SS18L1: variants seen among roughly 807,000 people sequenced by gnomAD.
SS18L1 encodes the protein calcium-responsive transactivator.
A neutral mutation model predicts 70.3 loss-of-function variants in SS18L1; 32 were observed. The ratio of observed to expected loss-of-function variants is 0.46; its 90% CI spans 0.34 to 0.61. The LOEUF (loss-of-function observed/expected upper bound fraction) is 0.61, where lower values mean the gene tolerates loss of function less well. Among genes scored for constraint, SS18L1 ranks in the 20% least tolerant of loss-of-function variants. The pLI is 0.01. For missense variants in SS18L1, 430 were observed against 542.1 expected, an observed-to-expected ratio of 0.79 and a Z score of 2.05; for synonymous variants, 237 against 229.7, an observed-to-expected ratio of 1.03 and a Z score of -0.29.
intron 1 of SS18L1, among the ~76,000 whole-genome samples, chr20:62,152,633 C>T (rs1302690135): frequency 1.3e-5 from 2 of 151,812 alleles, no homozygotes; most frequent in East Asian, 3.9e-4. Context: ...ATCTAGAACG[C>T]TCCAGGCCGC....
intron 1 of SS18L1, among the ~76,000 whole-genome samples, chr20:62,149,913 C>T (rs1228296991): frequency 6.6e-6 from 1 of 152,178 alleles, no homozygotes; most frequent in African/African-American, 2.4e-5. Flanking sequence ...ACAATAAGCA[C>T]GTCTCCAGCT....
intron 8 of SS18L1, 86 bp downstream of exon 8, chr20:62,165,600 G>C (rs1352784852): frequency 3.1e-6 from 4 of 1,295,592 alleles, no homozygotes; most frequent in Non-Finnish European, 4.3e-6. Context: ...AGCACGCGGT[G>C]CCTGCCTTCA....
chr20:62,160,350 A>AGAGAGGTGGGATGGG (rs1568747935), intron 3 of SS18L1, among the ~76,000 whole-genome samples: 10 of 15,172 alleles, frequency 6.6e-4, no homozygotes, highest in African/African-American at 3.1e-3. Flanking sequence ...GGAGAGGTGG[A>AGAGAGGTGGGATGGG]GAGAGGTGGG....
intron 1 of SS18L1, among the ~76,000 whole-genome samples, 200 bp downstream of exon 1, chr20:62,144,089 C>T (rs1429144754): frequency 6.7e-6 from 1 of 149,636 alleles, no homozygotes; most frequent in East Asian, 2.0e-4. Flanking sequence ...GTGTGGGGGG[C>T]GGTCCCCGGA....
intron 8 of SS18L1, 121 bp downstream of exon 8, chr20:62,165,635 G>T: frequency 1.1e-6 from 1 of 906,202 alleles, no homozygotes. Context: ...TCACAGCACA[G>T]CGCGTGGGAG....
At chr20:62,162,952 AC>A in intron 5 of SS18L1, 21 bp downstream of exon 5, 1 of 1,609,326 alleles carries the variant, frequency 6.2e-7, no homozygotes, top group Non-Finnish European at 8.5e-7. Flanking sequence ...TGCCTCTGCA[AC>A]CCCGGGGGGC....
rs1024807596 is a variant in SS18L1 at position 62,179,864 on chromosome 20, G to A, written c.*656G>A. ...TCGCCAATTCCGTTTATCCAAAAAGGTACATGTTTTTGTATTAAAAAGTAA... is the reference window on the plus strand; with the variant it reads ...TCGCCAATTCCGTTTATCCAAAAAGATACATGTTTTTGTATTAAAAAGTAA... On this transcript the variant is annotated 3_prime_UTR_variant, in exon 11 of 11. Coordinates refer to ENST00000331758, the MANE Select transcript of SS18L1 (RefSeq NM_198935.3). 1 of 225,856 alleles carries A rather than the reference G, an allele frequency of 4.4e-6. No homozygotes were observed. Among genetic ancestry groups the A allele is most frequent in the Non-Finnish European group, 8.8e-6 (1 of 113,524 alleles). 14.0% of individuals were successfully genotyped at this position (225,856 alleles called of 1,614,324 possible).
At chr20:62,172,878 C>T in intron 9 of SS18L1, 77 bp downstream of exon 9, 1 of 1,573,532 alleles carries the variant, frequency 6.4e-7, no homozygotes. Context: ...GTGCTCAGTA[C>T]CCCAGCCAGC....
chr20:62,146,747 G>A (rs2057036466), intron 1 of SS18L1, among the ~76,000 whole-genome samples: 1 of 151,946 alleles, frequency 6.6e-6, no homozygotes, highest in Non-Finnish European at 1.5e-5. Flanking sequence ...AGCCTCCTGA[G>A]TAGCTGGGAT....
At chr20:62,160,585 A>G (rs1331224076) in intron 3 of SS18L1, among the ~76,000 whole-genome samples, 1 of 152,126 alleles carries the variant, frequency 6.6e-6, no homozygotes, top group African/African-American at 2.4e-5. Flanking sequence ...TTTAAAATGC[A>G]TTTTTCCAAG....
rs770928112 is a variant in SS18L1 at position 62,159,791 on chromosome 20, T to C, written c.147-86T>C. The C allele has an allele frequency of 3.0e-6, 4 of 1,325,028 alleles. No homozygotes were observed. Among genetic ancestry groups the C allele is most frequent in the Non-Finnish European group, 4.2e-6 (4 of 956,144 alleles). The allele number at this position is 1,325,028 out of a possible 1,614,324, so 82.1% of individuals were successfully genotyped here. A position where few individuals can be genotyped will look rare whatever the true frequency, so the allele number is the denominator to read the frequency against. ...GGGTTTGGCTGGATGTCAGGCTGTC[T>C]TGTTCACACTTTACTTCTGCCTTGG... On this transcript the variant is annotated intron_variant, in intron 2 of 10. Transcript: ENST00000331758. The surrounding 1 kb of genome is among the most constrained non-coding windows in gnomAD (Gnocchi z 4.4).
At chr20:62,170,616 T>C (rs970469109) in intron 8 of SS18L1, among the ~76,000 whole-genome samples, 5 of 152,194 alleles carry the variant, frequency 3.3e-5, no homozygotes, top group African/African-American at 1.2e-4. Flanking sequence ...CCCCGAGCCC[T>C]GCAGATTTCA....
intron 10 of SS18L1, chr20:62,175,202 G>T (rs1411451144): frequency 1.0e-6 from 1 of 975,292 alleles, no homozygotes; most frequent in Non-Finnish European, 1.2e-6. Flanking sequence ...TTCTGCCCAG[G>T]AACAGTGAGC....
chr20:62,160,954 C>T (rs923686903), intron 3 of SS18L1, among the ~76,000 whole-genome samples: 2 of 151,354 alleles, frequency 1.3e-5, no homozygotes, highest in African/African-American at 2.4e-5. Flanking sequence ...CGGTGTGATC[C>T]GAGGCGGGTG....
At chr20:62,165,740 C>G (rs1250368621) in intron 8 of SS18L1, among the ~76,000 whole-genome samples, 1 of 151,742 alleles carries the variant, frequency 6.6e-6, no homozygotes, top group Non-Finnish European at 1.5e-5. Flanking sequence ...AGGATTCAGC[C>G]GGCCATGCTG....
chr20:62,175,388 G>T (rs1224610746), intron 10 of SS18L1: 1 of 985,292 alleles, frequency 1.0e-6, no homozygotes, highest in Non-Finnish European at 1.2e-6. Context: ...GGAGGACAGG[G>T]TCTGTGTGGT....
rs372689553 is a variant in SS18L1, at chr20:62,172,867, C to T, written c.1036+66C>T. On this transcript the variant is annotated intron_variant, in intron 9 of 10. Transcript: ENST00000331758. The stretch of plus-strand genomic sequence containing the variant: ...CCCCTGCCCCTGCCACACATGGGTA[C>T]GTGCTCAGTACCCCAGCCAGCAGAG... 975 of 1,584,400 alleles carry T rather than the reference C, an allele frequency of 6.2e-4. 4 individuals are homozygous for T. In the African/African-American group the frequency reaches 7.9e-3, roughly 13 times the overall value.
intron 1 of SS18L1, among the ~76,000 whole-genome samples, chr20:62,155,103 T>A (rs747355192): frequency 1.3e-5 from 2 of 152,218 alleles, no homozygotes; most frequent in Non-Finnish European, 2.9e-5. Context: ...TTTTGTTGGA[T>A]TTTTTTAAAA....
chr20:62,146,895 G>A (rs2057040369), intron 1 of SS18L1, among the ~76,000 whole-genome samples: 2 of 152,026 alleles, frequency 1.3e-5, no homozygotes, highest in Admixed American at 1.3e-4. Flanking sequence ...CAAAGTGCTG[G>A]GATTACAGGC....
Sources: allele counts gnomAD v4.1 joint callset (sites outside exome capture counted in the v4.1 genomes callset), GRCh38; gene constraint gnomAD v4.1.1; non-coding constraint Gnocchi (gnomAD v3.1); transcripts MANE v1.5; gene names NCBI Gene and HGNC (gene_info 2026-07-23, HGNC 2026-07-21).